The following BET1 variants were observed in gnomAD, a reference collection of about 807,000 sequenced individuals.
BET1 encodes the protein BET1 homolog.
In BET1, 9 loss-of-function variants were observed where a neutral mutation model predicts 13.9. That is an observed-to-expected ratio of 0.65 (90% CI 0.39 to 1.13). The LOEUF is 1.13. BET1 is among the 50% of genes most tolerant of loss of function. The probability of loss-of-function intolerance (pLI) is 0.01; values close to 1 mark genes in which losing one functional copy is unlikely to be tolerated. For synonymous variants in BET1, 39 were observed against 47.3 expected (o/e 0.82, Z 0.72); for missense variants, 127 against 133.6 (o/e 0.95, Z 0.24).
chr7:94,002,480 A>G (rs1164876124), intron 1 of BET1, among the ~76,000 whole-genome samples: 3 of 150,160 alleles, frequency 2.0e-5, no homozygotes, highest in Non-Finnish European at 4.4e-5. Context: ...AAAAAGAAAG[A>G]AAAAAAAAGG....
At chr7:93,996,811 T>C (rs1382575104) in intron 2 of BET1, among the ~76,000 whole-genome samples, 1 of 151,648 alleles carries the variant, frequency 6.6e-6, no homozygotes, top group Non-Finnish European at 1.5e-5. Context: ...TTGTACGGAT[T>C]ATTTCGTCAA....
At chr7:93,982,444 G>C (rs1795443954) in intron 4 of BET1, among the ~76,000 whole-genome samples, 1 of 152,004 alleles carries the variant, frequency 6.6e-6, no homozygotes, top group African/African-American at 2.4e-5. Flanking sequence ...CTTACTTTAT[G>C]AACTTATTTG....
intron 6 of BET1, among the ~76,000 whole-genome samples, chr7:93,971,652 G>T: frequency 6.6e-6 from 1 of 151,508 alleles, no homozygotes; most frequent in Non-Finnish European, 1.5e-5. Flanking sequence ...CCCCACTTAT[G>T]CTCACATTAT....
Position 93,994,119 on chromosome 7 carries a change from T to A in BET1, c.*111A>T, listed in dbSNP as rs1352811137. The A allele has an allele frequency of 1.6e-5, 24 of 1,460,118 alleles. No individual in the cohort carries two copies. The highest frequency in any genetic ancestry group is 2.4e-4 in the Middle Eastern group (1 of 4,102). 90.4% of individuals were successfully genotyped at this position (1,460,118 alleles called of 1,614,324 possible). ...ATAAGCAAAATTCAGCAATTTTCAA[T>A]GGAAAATGCCACAGTATTTGAACAC... is the stretch of plus-strand genomic sequence containing the variant. On this transcript the variant is annotated 3_prime_UTR_variant, in exon 4 of 4. Transcript: ENST00000222547.
intron 5 of BET1, among the ~76,000 whole-genome samples, chr7:93,974,586 A>G (rs1369752345): frequency 1.3e-5 from 2 of 152,054 alleles, no homozygotes; most frequent in African/African-American, 4.8e-5. Context: ...TAATCCATAG[A>G]ATAAAGTAAA....
intron 5 of BET1, among the ~76,000 whole-genome samples, chr7:93,973,140 G>C (rs539629971): frequency 1.3e-5 from 2 of 152,018 alleles, no homozygotes; most frequent in East Asian, 3.9e-4. Context: ...ATAGTTAACA[G>C]ATATCAAAAA....
intron 5 of BET1, among the ~76,000 whole-genome samples, chr7:93,974,488 A>G (rs1795306722): frequency 6.6e-6 from 1 of 152,012 alleles, no homozygotes; most frequent in South Asian, 2.1e-4. Flanking sequence ...AGAATAGGGC[A>G]TGTTGAAAGG....
intron 6 of BET1, among the ~76,000 whole-genome samples, chr7:93,970,588 G>T (rs1795245498): frequency 6.6e-6 from 1 of 151,722 alleles, no homozygotes. Context: ...AAGTATTAGA[G>T]TCAACTCTTT....
chr7:93,964,589 A>G (rs774554604), exon 7 of BET1: 7 of 152,046 alleles, frequency 4.6e-5, no homozygotes, highest in Non-Finnish European at 7.4e-5. Flanking sequence ...AGTGCATGTA[A>G]CTTCCAGAAT....
chr7:93,990,335 C>T (rs879913502), downstream of BET1, among the ~76,000 whole-genome samples: 1 of 151,750 alleles, frequency 6.6e-6, no homozygotes, highest in African/African-American at 2.4e-5. Flanking sequence ...ACCAGCTGGT[C>T]GAACTATTTA....
At chr7:93,994,844 T>C (rs552261679) in intron 3 of BET1, among the ~76,000 whole-genome samples, 2 of 150,294 alleles carry the variant, frequency 1.3e-5, no homozygotes, top group Middle Eastern at 3.4e-3. Flanking sequence ...GTACTTTTAT[T>C]TACTTATTTA....
chr7:94,001,237 C>A (rs550971481), intron 1 of BET1, among the ~76,000 whole-genome samples: 9 of 152,174 alleles, frequency 5.9e-5, no homozygotes, highest in African/African-American at 1.9e-4. Flanking sequence ...CTGTATGTCC[C>A]CCCATAAACC....
At chr7:93,980,039 G>A (rs985801547) in intron 4 of BET1, among the ~76,000 whole-genome samples, 2 of 152,124 alleles carry the variant, frequency 1.3e-5, no homozygotes, top group African/African-American at 4.8e-5. Context: ...ACAAGAAATA[G>A]ATAAATTCCT....
At chr7:93,992,385 G>T (rs1052485667), downstream of BET1, 1 of 985,176 alleles carries the variant, frequency 1.0e-6, no homozygotes, top group African/African-American at 1.7e-5. Flanking sequence ...GCCATCATTG[G>T]TTTTCCTAAG....
At chr7:93,990,740 G>A (rs189043793), downstream of BET1, among the ~76,000 whole-genome samples, 4 of 151,584 alleles carry the variant, frequency 2.6e-5, no homozygotes, top group East Asian at 5.8e-4. Context: ...TTTATAATGG[G>A]TAATGTGGTT....
chr7:93,992,598 A>G (rs933594965), downstream of BET1: 4 of 985,276 alleles, frequency 4.1e-6, no homozygotes, highest in African/African-American at 5.2e-5. Context: ...CAATTGCCTG[A>G]TGAAAATACC....
Position 93,994,206 on chromosome 7 carries a change from AT to A in BET1, c.*23del, listed in dbSNP as rs1295296607. Reference sequence around the variant, plus strand: ...ACTGCAAGCCATTAAGTTGGAACAAATTCCAAATTCACAATTACATGCATCA... The same window carrying A: ...ACTGCAAGCCATTAAGTTGGAACAAATCCAAATTCACAATTACATGCATCA... On this transcript the variant is annotated 3_prime_UTR_variant, in exon 4 of 4. Coordinates refer to ENST00000222547, the MANE Select transcript of BET1 (RefSeq NM_005868.6). 6.3e-7 allele frequency: 1 copy of A among 1,583,234 alleles called. No individual in the cohort carries two copies. The highest frequency in any genetic ancestry group is 8.6e-7 in the Non-Finnish European group (1 of 1,164,624).
intron 3 of BET1, 29 bp from the exon 4 acceptor site, chr7:93,994,414 C>A: frequency 6.3e-7 from 1 of 1,598,014 alleles, no homozygotes; most frequent in South Asian, 1.1e-5. Flanking sequence ...AATAAAATAT[C>A]ACAGTTAGAT....
At chr7:93,968,162 C>A (rs1795204473) in intron 6 of BET1, among the ~76,000 whole-genome samples, 1 of 151,760 alleles carries the variant, frequency 6.6e-6, no homozygotes, top group Admixed American at 6.6e-5. Context: ...TAAACATTAG[C>A]AAACATAACT....
Sources: allele counts gnomAD v4.1 joint callset (sites outside exome capture counted in the v4.1 genomes callset), GRCh38; gene constraint gnomAD v4.1.1; transcripts MANE v1.5; gene names NCBI Gene and HGNC (gene_info 2026-07-23, HGNC 2026-07-21).